GSE1: variants seen among roughly 807,000 people sequenced by gnomAD.
The protein encoded by GSE1 is genetic suppressor element 1.
In GSE1, 32 loss-of-function variants were observed where a neutral mutation model predicts 112.6. That is an observed-to-expected ratio of 0.28 (90% CI 0.21 to 0.38). The LOEUF is 0.38. GSE1 is among the 10% of genes least tolerant of loss of function. The pLI is 1.00. For missense variants in GSE1, 2,348 were observed against 1,699.2 expected (o/e 1.38, Z -6.71); for synonymous variants, 1,115 against 735.6 (o/e 1.52, Z -8.35).
At chr16:85,669,500 G>A (rs1018947073) in intron 14 of GSE1, among the ~76,000 whole-genome samples, 1 of 152,048 alleles carries the variant, frequency 6.6e-6, no homozygotes, top group Non-Finnish European at 1.5e-5. Flanking sequence ...CCCGTATTTT[G>A]TTTCCTTTCC....
chr16:85,461,710 G>C (rs1231201119), intron 2 of GSE1, among the ~76,000 whole-genome samples: 1 of 152,166 alleles, frequency 6.6e-6, no homozygotes, highest in Non-Finnish European at 1.5e-5. Flanking sequence ...GGCTGGGATA[G>C]CCATAATCCC....
chr16:85,456,669 G>A (rs1382674282), intron 2 of GSE1, among the ~76,000 whole-genome samples: 1 of 147,852 alleles, frequency 6.8e-6, no homozygotes, highest in African/African-American at 2.5e-5. Flanking sequence ...GCTTCCAGAA[G>A]GGACTTGAGG....
chr16:85,519,546 T>TCAC (rs1473965240), intron 2 of GSE1, among the ~76,000 whole-genome samples: 167 of 15,398 alleles, frequency 0.011, 35 homozygotes, highest in African/African-American at 0.013. Context: ...ATCATCACTA[T>TCAC]TACCACCATC....
intron 2 of GSE1, among the ~76,000 whole-genome samples, chr16:85,521,829 G>A (rs1182993054): frequency 2.0e-5 from 3 of 152,360 alleles, no homozygotes; most frequent in African/African-American, 4.8e-5. Flanking sequence ...GCGCGCTGGC[G>A]CTCAGCCCAG....
chr16:85,555,158 T>C, upstream of GSE1: 1 of 985,362 alleles, frequency 1.0e-6, no homozygotes, highest in Non-Finnish European at 1.2e-6. Context: ...ACCCTTTCGC[T>C]TTCATTAGGG....
chr16:85,616,478 C>G (rs1418905569), intron 1 of GSE1, among the ~76,000 whole-genome samples: 1 of 152,206 alleles, frequency 6.6e-6, no homozygotes, highest in Non-Finnish European at 1.5e-5. Flanking sequence ...AAGGATCAAA[C>G]CCTGGGATCG....
intron 2 of GSE1, among the ~76,000 whole-genome samples, chr16:85,458,232 A>T (rs529754125): frequency 1.2e-3 from 186 of 152,306 alleles, no homozygotes; most frequent in Non-Finnish European, 2.2e-3. Flanking sequence ...TCCCGGCTGG[A>T]TGCCGTGGGA....
intron 1 of GSE1, among the ~76,000 whole-genome samples, chr16:85,321,890 C>G (rs1443575816): frequency 6.6e-6 from 1 of 152,168 alleles, no homozygotes; most frequent in Non-Finnish European, 1.5e-5. Context: ...GACACTGAGG[C>G]TCCTAGAAGG....
At chr16:85,418,903 A>G (rs1445223881) in intron 2 of GSE1, among the ~76,000 whole-genome samples, 1 of 152,150 alleles carries the variant, frequency 6.6e-6, no homozygotes, top group Non-Finnish European at 1.5e-5. Flanking sequence ...AGAGAACCTT[A>G]GAACATCTCC....
chr16:85,267,768 C>T (rs1440897780), intron 1 of GSE1, among the ~76,000 whole-genome samples: 1 of 152,182 alleles, frequency 6.6e-6, no homozygotes, highest in East Asian at 1.9e-4. Context: ...GGCAAACCCT[C>T]CTCAAACAAC....
At chr16:85,218,496 C>T (rs906116638) in intron 1 of GSE1, among the ~76,000 whole-genome samples, 1 of 152,170 alleles carries the variant, frequency 6.6e-6, no homozygotes, top group East Asian at 1.9e-4. Flanking sequence ...GCACGTGAAA[C>T]GAGACGTGCC....
intron 1 of GSE1, among the ~76,000 whole-genome samples, chr16:85,586,690 C>T (rs529682657): frequency 6.0e-4 from 92 of 152,298 alleles, no homozygotes; most frequent in Non-Finnish European, 9.6e-4. Flanking sequence ...AAGTATCACC[C>T]CTCCCACCTC....
At chr16:85,469,585 A>G (rs961125473) in intron 2 of GSE1, among the ~76,000 whole-genome samples, 27 of 152,292 alleles carry the variant, frequency 1.8e-4, no homozygotes, top group African/African-American at 5.8e-4. Context: ...TACATGTTTT[A>G]AAAATGTGTG....
chr16:85,614,704 G>T (rs2048258696), intron 1 of GSE1, among the ~76,000 whole-genome samples: 1 of 152,202 alleles, frequency 6.6e-6, no homozygotes, highest in Non-Finnish European at 1.5e-5. Flanking sequence ...GAGTCGGTTT[G>T]GCTCTTACAA....
chr16:85,289,502 G>T (rs2045142051), intron 1 of GSE1, among the ~76,000 whole-genome samples: 1 of 152,196 alleles, frequency 6.6e-6, no homozygotes, highest in African/African-American at 2.4e-5. Flanking sequence ...TTGTGGAAAT[G>T]CCGTTTCCCA....
chr16:85,256,985 A>T (rs1907151567), intron 1 of GSE1, among the ~76,000 whole-genome samples: 1 of 152,094 alleles, frequency 6.6e-6, no homozygotes, highest in African/African-American at 2.4e-5. Flanking sequence ...TTTGTATTGG[A>T]TGGTGCTGCT....
chr16:85,186,094 A>G (rs1170311029), intron 1 of GSE1, among the ~76,000 whole-genome samples: 1 of 152,180 alleles, frequency 6.6e-6, no homozygotes, highest in Non-Finnish European at 1.5e-5. Flanking sequence ...ATGTCCCCCT[A>G]GGCTTGAGAA....
chr16:85,233,913 C>A (rs1279296488), intron 1 of GSE1, among the ~76,000 whole-genome samples: 1 of 152,114 alleles, frequency 6.6e-6, no homozygotes, highest in African/African-American at 2.4e-5. Flanking sequence ...ACCCCTGCCC[C>A]CTGTCCACAC....
chr16:85,312,149 G>A (rs1246039679), intron 1 of GSE1, among the ~76,000 whole-genome samples: 11 of 144,314 alleles, frequency 7.6e-5, no homozygotes, highest in African/African-American at 1.9e-4. Context: ...ATCCCCTCCC[G>A]TGTGCCCAGC....
Sources: allele counts gnomAD v4.1 joint callset (sites outside exome capture counted in the v4.1 genomes callset), GRCh38; gene constraint gnomAD v4.1.1; transcripts MANE v1.5; gene names NCBI Gene and HGNC (gene_info 2026-07-23, HGNC 2026-07-21).